Variants in ZNF423 observed in about 807,000 individuals in gnomAD.
ZNF423 encodes the protein zinc finger protein 423.
Under a neutral mutation model 95.8 loss-of-function variants are expected in ZNF423, and 12 were observed. That is an observed-to-expected ratio of 0.13 (90% confidence interval 0.08 to 0.20). The LOEUF (loss-of-function observed/expected upper bound fraction) is 0.20, where lower values mean the gene tolerates loss of function less well. Among genes scored for constraint, ZNF423 ranks in the 10% least tolerant of loss-of-function variants. The pLI is 1.00. For missense variants in ZNF423, 1,316 were observed against 1,737.1 expected, an observed-to-expected ratio of 0.76 and a Z score of 4.31; for synonymous variants, 749 against 711.9, an observed-to-expected ratio of 1.05 and a Z score of -0.83.
rs1330729193 is a variant in ZNF423, at chr16:49,637,180, G to A, written c.1996C>T (p.Leu666=). Residue 666 remains leucine (L), a synonymous_variant, in exon 4 of 8, where the codon CTG becomes TTG. Transcript: ENST00000563137. This position sits in a 1 kb window ranked among gnomAD's most constrained non-coding sequence, Gnocchi z 5.6. The stretch of plus-strand genomic sequence containing the variant: ...TGGGGGCACGCTTGCTTCCGCAGCA[G>A]CAGCTCCAGGTGCAGCTTCAGGTGG... The part of the protein sequence containing the change: ...QTHLKLHLEL[L]LRKQACPQCK... 1.2e-6 allele frequency: 2 copies of A among 1,613,770 alleles called. No individual in the cohort carries two copies. Among genetic ancestry groups the A allele is most frequent in the Non-Finnish European group, 1.7e-6 (2 of 1,180,048 alleles).
intron 5 of ZNF423, among the ~76,000 whole-genome samples, chr16:49,534,773 T>C (rs1968997640): frequency 6.6e-6 from 1 of 152,192 alleles, no homozygotes; most frequent in Non-Finnish European, 1.5e-5. Context: ...CTATGCTACT[T>C]CCACCTTCAA....
At chr16:49,683,907 C>G (rs1431555206) in intron 3 of ZNF423, among the ~76,000 whole-genome samples, 1 of 152,116 alleles carries the variant, frequency 6.6e-6, no homozygotes, top group Non-Finnish European at 1.5e-5. Context: ...CACATCTCTA[C>G]TAAAAATTTA....
chr16:49,726,868 A>AAAAT (rs2143336124), intron 3 of ZNF423, among the ~76,000 whole-genome samples: 1 of 145,374 alleles, frequency 6.9e-6, no homozygotes, highest in South Asian at 2.1e-4. Context: ...AAAAAAAAAA[A>AAAAT]AAAAAAAAAA....
At chr16:49,533,010 C>A (rs1010713147) in intron 5 of ZNF423, among the ~76,000 whole-genome samples, 1 of 152,128 alleles carries the variant, frequency 6.6e-6, no homozygotes, top group Non-Finnish European at 1.5e-5. Flanking sequence ...GGAAGGGTCA[C>A]CCCCCACCCT....
At chr16:49,699,053 T>G (rs1338111023) in intron 3 of ZNF423, among the ~76,000 whole-genome samples, 1 of 152,242 alleles carries the variant, frequency 6.6e-6, no homozygotes, top group Non-Finnish European at 1.5e-5. Flanking sequence ...ATTGACATTT[T>G]TACATAGTTT....
intron 1 of ZNF423, among the ~76,000 whole-genome samples, chr16:49,811,397 G>A (rs1262482676): frequency 1.3e-5 from 2 of 152,062 alleles, no homozygotes; most frequent in Admixed American, 1.3e-4. Flanking sequence ...TAAACACTGG[G>A]GGTGGAGGAG....
chr16:49,696,439 C>A (rs1395430215), intron 3 of ZNF423, among the ~76,000 whole-genome samples: 1 of 152,218 alleles, frequency 6.6e-6, no homozygotes, highest in Non-Finnish European at 1.5e-5. Flanking sequence ...GGACCTCATA[C>A]CAGGGGCTCC....
At chr16:49,801,115 A>G (rs961248416) in intron 1 of ZNF423, among the ~76,000 whole-genome samples, 1 of 152,212 alleles carries the variant, frequency 6.6e-6, no homozygotes, top group Non-Finnish European at 1.5e-5. Context: ...AGTCCCTCGC[A>G]GCTCTGTCAG....
intron 3 of ZNF423, among the ~76,000 whole-genome samples, chr16:49,714,625 G>GAA (rs113583035): frequency 0.25 from 35,084 of 138,196 alleles, 4,627 homozygotes; most frequent in African/African-American, 0.33. Flanking sequence ...CAGCCTGGGA[G>GAA]AAAAAAAAAA....
At chr16:49,836,257 A>G (rs1025790346) in intron 1 of ZNF423, among the ~76,000 whole-genome samples, 2 of 152,080 alleles carry the variant, frequency 1.3e-5, no homozygotes, top group Non-Finnish European at 2.9e-5. Context: ...AGCCCTGCCC[A>G]CCACCTGTCT....
chr16:49,636,862 C>A lies in ZNF423; in HGVS notation c.2314G>T (p.Asp772Tyr), dbSNP rs180674172. 6.2e-7 allele frequency: 1 copy of A among 1,614,046 alleles called. No homozygotes were observed. The highest frequency in any genetic ancestry group is 1.7e-5 in the Admixed American group (1 of 60,030). Residue 772 changes from aspartate (D) to tyrosine (Y), a missense_variant, in exon 4 of 8, where the codon GAC becomes TAC. Physicochemically the swap from Asp to Tyr is radical, Grantham distance 160. Coordinates refer to ENST00000563137, the MANE Select transcript of ZNF423 (RefSeq NM_001379286.1). The surrounding 1 kb of genome is among the most constrained non-coding windows in gnomAD (Gnocchi z 8.6). ...CTGTGTTTGACGTGCACCTGCAGGTCAGCCTCCTTGCGGAAGTCCCAGTTG... is the reference window on the plus strand; with the variant it reads ...CTGTGTTTGACGTGCACCTGCAGGTAAGCCTCCTTGCGGAAGTCCCAGTTG... The part of the protein sequence containing the change: ...ACNWDFRKEA[D>Y]LQVHVKHSHL...
chr16:49,799,885 G>A (rs2143890644), intron 1 of ZNF423, among the ~76,000 whole-genome samples: 1 of 152,156 alleles, frequency 6.6e-6, no homozygotes, highest in East Asian at 1.9e-4. Flanking sequence ...AAACTCCTGG[G>A]CTCAAGGGAT....
At chr16:49,666,245 C>A (rs538890848) in intron 3 of ZNF423, among the ~76,000 whole-genome samples, 1 of 152,278 alleles carries the variant, frequency 6.6e-6, no homozygotes, top group South Asian at 2.1e-4. Context: ...TGTTTTAACC[C>A]GCAGAGGAGG....
At chr16:49,539,645 C>G (rs969043951) in intron 5 of ZNF423, among the ~76,000 whole-genome samples, 11 of 152,024 alleles carry the variant, frequency 7.2e-5, no homozygotes, top group African/African-American at 2.4e-4. Context: ...TATTATTGAC[C>G]CTGAGGCAGG....
intron 5 of ZNF423, among the ~76,000 whole-genome samples, chr16:49,565,791 C>A (rs940806299): frequency 6.6e-6 from 1 of 151,754 alleles, no homozygotes; most frequent in African/African-American, 2.4e-5. Flanking sequence ...AGGCATCCAA[C>A]ACAATTTTAG....
intron 3 of ZNF423, among the ~76,000 whole-genome samples, chr16:49,677,320 AGGGAGGGGAGGGGAGGGGAGGGGAG>A (rs1239870003): frequency 6.0e-5 from 3 of 50,324 alleles, no homozygotes; most frequent in African/African-American, 2.6e-4. Context: ...AAGGAGGGGA[AGGGAGGGGAGGGGAGGGGAGGGGAG>A]GAGGGGAGGG....
intron 3 of ZNF423, among the ~76,000 whole-genome samples, chr16:49,728,355 G>A (rs935148017): frequency 1.3e-5 from 2 of 152,196 alleles, no homozygotes; most frequent in Admixed American, 6.5e-5. Flanking sequence ...TCAGGGATGC[G>A]CTTAGGCAAG....
chr16:49,808,396 A>G (rs1454562822), intron 1 of ZNF423, among the ~76,000 whole-genome samples: 1 of 152,154 alleles, frequency 6.6e-6, no homozygotes, highest in Admixed American at 6.5e-5. Context: ...TAAACATAAG[A>G]AGTAACATGT....
chr16:49,769,551 C>G (rs2033993839), intron 2 of ZNF423, among the ~76,000 whole-genome samples: 2 of 152,046 alleles, frequency 1.3e-5, no homozygotes, highest in African/African-American at 4.8e-5. Flanking sequence ...AGATATAAAC[C>G]TGATCACGCC....
Sources: gnomAD v4.1 joint callset for allele counts (sites outside exome capture counted in the v4.1 genomes callset) on GRCh38, gnomAD v4.1.1 for gene constraint, Gnocchi (gnomAD v3.1) non-coding constraint, MANE v1.5 for transcripts, NCBI Gene and HGNC (gene_info 2026-07-23, HGNC 2026-07-21) for gene names.